EHMT1: variants seen among roughly 807,000 people sequenced by gnomAD.
EHMT1 encodes histone-lysine N-methyltransferase EHMT1.
Under a neutral mutation model 147.2 loss-of-function variants are expected in EHMT1, and 15 were observed. That is an observed-to-expected ratio of 0.10 (90% CI 0.07 to 0.16). The LOEUF is 0.16. EHMT1 is among the 10% of genes least tolerant of loss of function. The probability of loss-of-function intolerance (pLI) is 1.00; values close to 1 mark genes in which losing one functional copy is unlikely to be tolerated. For synonymous variants in EHMT1, 795 were observed against 709.6 expected (o/e 1.12, Z -1.91); for missense variants, 1,587 against 1,772.4 (o/e 0.90, Z 1.88).
intron 17 of EHMT1, among the ~76,000 whole-genome samples, chr9:137,800,097 C>T (rs528960863): frequency 1.9e-4 from 29 of 152,346 alleles, no homozygotes; most frequent in African/African-American, 5.8e-4. Flanking sequence ...TAGCTTTAAT[C>T]GTGGAGGCTG....
At chr9:137,790,738 T>C in intron 15 of EHMT1, 110 bp from the exon 16 acceptor site, 1 of 1,513,850 alleles carries the variant, frequency 6.6e-7, no homozygotes, top group Non-Finnish European at 9.2e-7. Flanking sequence ...TGTTGGTCAC[T>C]GAAACAGTGC....
intron 18 of EHMT1, chr9:137,803,069 G>T: frequency 8.1e-7 from 1 of 1,230,384 alleles, no homozygotes; most frequent in Non-Finnish European, 1.0e-6. Flanking sequence ...CGGCCCTAGT[G>T]TGGCTGGTCG....
Position 137,779,705 on chromosome 9 carries a change from C to T in EHMT1, c.2263C>T (p.Leu755Phe). The T allele has an allele frequency of 6.2e-7, 1 of 1,613,670 alleles. No individual in the cohort carries two copies. Among genetic ancestry groups the T allele is most frequent in the Non-Finnish European group, 8.5e-7 (1 of 1,180,050 alleles). Residue 755 changes from leucine to phenylalanine, a missense_variant, in exon 14 of 27, where the codon CTC (leucine) becomes TTC (phenylalanine). Leu to Phe is a conservative substitution (Grantham distance 22). This residue lies in a region of EHMT1 where 201 missense variants were observed against 350.1 expected (regional missense o/e 0.57). Transcript: ENST00000460843. ...SARQGELQKV[L>F]LMLVDGIDPN... Reference sequence around the variant, plus strand: ...CAGGCAAGGGGAGCTTCAGAAGGTGCTCCTCATGCTGGGTAAGTGCCTTCC... The same window carrying T: ...CAGGCAAGGGGAGCTTCAGAAGGTGTTCCTCATGCTGGGTAAGTGCCTTCC...
At chr9:137,685,948 T>TAGCC (rs1942386643) in intron 1 of EHMT1, among the ~76,000 whole-genome samples, 1 of 151,784 alleles carries the variant, frequency 6.6e-6, no homozygotes, top group Non-Finnish European at 1.5e-5. Flanking sequence ...TTCATTTATT[T>TAGCC]AGTCAGTCAG....
chr9:137,638,798 G>A (rs1033908301), intron 1 of EHMT1, among the ~76,000 whole-genome samples: 12 of 152,062 alleles, frequency 7.9e-5, no homozygotes, highest in African/African-American at 2.4e-4. Context: ...GACAGCATGC[G>A]GACACACAGG....
At chr9:137,818,360 A>C (rs1310127754) in intron 25 of EHMT1, among the ~76,000 whole-genome samples, 2 of 152,204 alleles carry the variant, frequency 1.3e-5, no homozygotes, top group Non-Finnish European at 2.9e-5. Flanking sequence ...GAGCCTGTGC[A>C]GCCAACTGCC....
intron 18 of EHMT1, among the ~76,000 whole-genome samples, chr9:137,807,777 G>A (rs1954075907): frequency 6.6e-6 from 1 of 152,142 alleles, no homozygotes; most frequent in South Asian, 2.1e-4. Context: ...CAAAGTGCTG[G>A]GATTACAAGT....
chr9:137,777,121 T>C (rs1417922209), intron 12 of EHMT1: 2 of 439,176 alleles, frequency 4.6e-6, no homozygotes, highest in African/African-American at 4.0e-5. Flanking sequence ...TTTCTGTTGA[T>C]GGCACAGTCC....
chr9:137,784,565 C>G (rs1449754632), intron 15 of EHMT1: 1 of 425,028 alleles, frequency 2.4e-6, no homozygotes, highest in Non-Finnish European at 3.2e-6. Flanking sequence ...TCTCTTCTCT[C>G]TGTTAGTTAC....
intron 25 of EHMT1, among the ~76,000 whole-genome samples, chr9:137,832,120 C>G (rs1357504847): frequency 3.3e-5 from 5 of 150,802 alleles, no homozygotes; most frequent in African/African-American, 1.2e-4. Context: ...TGGCTGGGCT[C>G]CCTCCGCAGA....
At chr9:137,806,028 T>C (rs145234761) in intron 18 of EHMT1, among the ~76,000 whole-genome samples, 1,519 of 150,278 alleles carry the variant, frequency 0.01, 11 homozygotes, top group Admixed American at 0.015. Flanking sequence ...AGTGGTGCGA[T>C]AGCTCACTGC....
intron 25 of EHMT1, among the ~76,000 whole-genome samples, chr9:137,829,790 TGGGA>T (rs996638148): frequency 6.6e-6 from 1 of 152,210 alleles, no homozygotes; most frequent in Admixed American, 6.5e-5. Flanking sequence ...TGCGGCCAGC[TGGGA>T]GGAAGGGCTG....
Position 137,776,945 on chromosome 9 carries a change from C to G in EHMT1, c.2018+101C>G. The G allele has an allele frequency of 2.7e-6, 3 of 1,118,810 alleles. No individual in the cohort carries two copies. Among genetic ancestry groups the G allele is most frequent in the South Asian group, 1.4e-5 (1 of 73,008 alleles). 69.3% of individuals were successfully genotyped at this position (1,118,810 alleles called of 1,614,324 possible). On this transcript the variant is annotated intron_variant, in intron 12 of 26. Transcript: ENST00000460843. The surrounding 1 kb of genome is among the most constrained non-coding windows in gnomAD (Gnocchi z 4.4). ...GCTTCCTGCTGTTTTTTCCAGAAGT[C>G]TCTGAGCTGATGCTGATGCTTATGG...
At chr9:137,795,147 G>C (rs1420752076) in intron 16 of EHMT1, 1 of 152,156 alleles carries the variant, frequency 6.6e-6, no homozygotes, top group African/African-American at 2.4e-5. Context: ...ATCTAAACAA[G>C]AGTGAAGTTC....
chr9:137,804,570 T>C (rs1246692823), intron 18 of EHMT1, among the ~76,000 whole-genome samples: 2 of 152,238 alleles, frequency 1.3e-5, no homozygotes, highest in Admixed American at 1.3e-4. Flanking sequence ...TAAAAGTTTT[T>C]ATAAAGTTTG....
chr9:137,716,552 G>T (rs1945316337), intron 2 of EHMT1, 74 bp from the exon 3 acceptor site: 2 of 1,431,826 alleles, frequency 1.4e-6, no homozygotes, highest in Admixed American at 4.5e-5. Flanking sequence ...CATGGTGGGG[G>T]AGGAAGTGGT....
chr9:137,791,265 C>A (rs891569733), intron 16 of EHMT1, among the ~76,000 whole-genome samples: 2 of 152,040 alleles, frequency 1.3e-5, no homozygotes, highest in Non-Finnish European at 2.9e-5. Flanking sequence ...CAGCCCAGAG[C>A]AATTAGGCAA....
At chr9:137,635,697 GT>G (rs1469974902) in intron 1 of EHMT1, among the ~76,000 whole-genome samples, 1 of 150,970 alleles carries the variant, frequency 6.6e-6, no homozygotes, top group Non-Finnish European at 1.5e-5. Flanking sequence ...GCGGGCGCCT[GT>G]AGTTCCAGCT....
Position 137,744,037 on chromosome 9 carries a change from G to C in EHMT1, c.1117G>C (p.Glu373Gln). Residue 373 changes from glutamate (E) to glutamine (Q), a missense_variant, in exon 6 of 27, where the codon GAG (glutamate) becomes CAG (glutamine). Physicochemically the swap from Glu to Gln is conservative, Grantham distance 29 (BLOSUM62 2). Around this residue, in one of 7 missense-constraint regions of EHMT1, gnomAD observed 810 missense variants for 673.0 expected, o/e 1.20. Transcript: ENST00000460843. ...AGAGCAGGCGGCCGCGTTCCCCACA[G>C]AGGACAGCAGGACTTCCAAGGAGAG... ...GAEQAAAFPTEDSRTSKESMS... is the reference protein window; with the variant it reads ...GAEQAAAFPTQDSRTSKESMS... 1 of 1,614,128 alleles carries C rather than the reference G, an allele frequency of 6.2e-7. No individual in the cohort carries two copies. Among genetic ancestry groups the C allele is most frequent in the Non-Finnish European group, 8.5e-7 (1 of 1,180,036 alleles).
Sources: allele counts gnomAD v4.1 joint callset (sites outside exome capture counted in the v4.1 genomes callset), GRCh38; gene constraint gnomAD v4.1.1; regional missense constraint gnomAD v4.1.1; non-coding constraint Gnocchi (gnomAD v3.1); transcripts MANE v1.5; gene names NCBI Gene and HGNC (gene_info 2026-07-23, HGNC 2026-07-21).